The following ABCA12 variants were observed in gnomAD, a reference collection of about 807,000 sequenced individuals.
ABCA12 encodes the protein ATP binding cassette subfamily A member 12.
Under a neutral mutation model 293.5 loss-of-function variants are expected in ABCA12, and 156 were observed. The observed-to-expected ratio is 0.53, with a 90% confidence interval of 0.47 to 0.61. The LOEUF (loss-of-function observed/expected upper bound fraction) is 0.61. Among genes scored for constraint, ABCA12 ranks in the 20% least tolerant of loss-of-function variants. The probability of loss-of-function intolerance (pLI) is 0.00; values close to 1 mark genes in which losing one functional copy is unlikely to be tolerated. For synonymous variants in ABCA12, 1,063 were observed against 1,108.0 expected, an observed-to-expected ratio of 0.96 and a Z score of 0.81; for missense variants, 2,797 against 3,090.2, an observed-to-expected ratio of 0.91 and a Z score of 2.25.
At chr2:215,051,918 A>C (rs1701328370) in intron 5 of ABCA12, among the ~76,000 whole-genome samples, 1 of 152,104 alleles carries the variant, frequency 6.6e-6, no homozygotes, top group Non-Finnish European at 1.5e-5. Flanking sequence ...CCGTACACAC[A>C]CTCACACACA....
In ABCA12 at chr2:215,134,702, C is replaced by A. The variant is rs548732432; in HGVS notation, c.69+3438G>T. On this transcript the variant is annotated intron_variant, in intron 1 of 52. Coordinates refer to ENST00000272895, the MANE Select transcript of ABCA12 (RefSeq NM_173076.3). Reference sequence around the variant, plus strand: ...AAACTTTTTTGTCCAGGCTGGAGTACAGGGGTTCAATCTAGGCTCACTGTA... The same window carrying A: ...AAACTTTTTTGTCCAGGCTGGAGTAAAGGGGTTCAATCTAGGCTCACTGTA... 6.9e-5 allele frequency among the ~76,000 whole-genome samples: 10 copies of A among 144,100 alleles called. No individual in the cohort carries two copies. In the East Asian group the frequency reaches 2.1e-3, roughly 30 times the overall value. The allele number at this position is 144,100 out of a possible 152,430, so 94.5% of individuals were successfully genotyped here. A position where few individuals can be genotyped will look rare whatever the true frequency, so the allele number is the denominator to read the frequency against.
In ABCA12 at chr2:215,011,620, T is replaced by C; in HGVS notation, c.2151A>G (p.Thr717=). ...QAMYRSNRMN[T]PQGSFSTISQ... ...AGATGGTGCTAAATGATCCTTGTGG[T>C]GTGTTCATTCGGTTGCTTCTGTACA... The change falls in exon 17 of 53, where the codon ACA becomes ACG. Residue 717 remains threonine (T), a synonymous_variant. Transcript: ENST00000272895. 2 of 1,614,088 alleles carry C rather than the reference T, an allele frequency of 1.2e-6. No individual in the cohort carries two copies. The highest frequency in any genetic ancestry group is 1.3e-5 in the African/African-American group (1 of 75,044).
intron 49 of ABCA12, among the ~76,000 whole-genome samples, chr2:214,943,528 T>G (rs1455050582): frequency 6.6e-6 from 1 of 152,152 alleles, no homozygotes; most frequent in Non-Finnish European, 1.5e-5. Context: ...TTAAATGTCT[T>G]CAGATAGGGT....
chr2:214,976,195 C>T (rs1001813957), intron 33 of ABCA12, among the ~76,000 whole-genome samples, 158 bp from the exon 34 acceptor site: 17 of 152,148 alleles, frequency 1.1e-4, no homozygotes, highest in African/African-American at 4.1e-4. Flanking sequence ...CAGCCTTAGC[C>T]TTGGACCTTC....
At chr2:215,099,182 T>C (rs1324735735) in intron 2 of ABCA12, among the ~76,000 whole-genome samples, 4 of 152,340 alleles carry the variant, frequency 2.6e-5, no homozygotes, top group African/African-American at 7.2e-5. Flanking sequence ...AGCCACTCTG[T>C]CTTGAGGACA....
chr2:215,118,655 C>T (rs1702737445), intron 1 of ABCA12, among the ~76,000 whole-genome samples: 1 of 151,918 alleles, frequency 6.6e-6, no homozygotes, highest in South Asian at 2.1e-4. Flanking sequence ...AATTGTTGAG[C>T]ACCTACTATG....
intron 47 of ABCA12, chr2:214,948,071 T>C (rs2105923989): frequency 5.5e-6 from 1 of 180,542 alleles, no homozygotes; most frequent in Non-Finnish European, 1.2e-5. Flanking sequence ...AATAATGAAA[T>C]CCTAGTTGAA....
intron 18 of ABCA12, among the ~76,000 whole-genome samples, chr2:215,009,341 A>G (rs571330374): frequency 3.4e-4 from 52 of 152,286 alleles, no homozygotes; most frequent in African/African-American, 1.2e-3. Context: ...GGATCAGGAA[A>G]AATAACTAAT....
chr2:215,106,009 A>G (rs1309624958), intron 2 of ABCA12, among the ~76,000 whole-genome samples: 1 of 152,190 alleles, frequency 6.6e-6, no homozygotes, highest in East Asian at 1.9e-4. Context: ...AGTTTTCATC[A>G]TTAGATCATG....
At position 214,987,690 on chromosome 2, in the gene ABCA12, G is replaced by A. The variant is rs140847485; in HGVS notation, c.3933C>T (p.Leu1311=). The change falls in exon 27 of 53, where the codon CTC becomes CTT. Residue 1311 remains leucine (L), a synonymous_variant. Coordinates refer to ENST00000272895, the MANE Select transcript of ABCA12 (RefSeq NM_173076.3). ...AEVKPEKSNG[L]MFTNIMMQNT... is the part of the protein sequence containing the mutation. ...TCTGCATCATGATGTTAGTAAACAT[G>A]AGGCCATTGCTCTTCTCAGGCTTCA... 141 of 1,613,960 alleles carry A rather than the reference G, an allele frequency of 8.7e-5. No homozygotes were observed. The highest frequency in any genetic ancestry group is 1.2e-4 in the Non-Finnish European group (138 of 1,179,988).
At position 214,968,748 on chromosome 2, in the gene ABCA12, C is replaced by T; in HGVS notation, c.5750G>A (p.Gly1917Glu). 6.2e-7 allele frequency: 1 copy of T among 1,613,320 alleles called. No individual in the cohort carries two copies. Among genetic ancestry groups the T allele is most frequent in the South Asian group, 1.1e-5 (1 of 91,074 alleles). ...GGCAAGTGTTCTATTGGCAGGGACT[C>T]CTGTTATATCAAAACGAAGGTCTTT... ...LTKDLRFDIT[G>E]VPANRTLAKV... Residue 1917 changes from glycine (G) to glutamate (E), a missense_variant, in exon 38 of 53, where the codon GGA becomes GAA. Around this residue, in one of 3 missense-constraint regions of ABCA12, gnomAD observed 2,130 missense variants for 2,427.0 expected, o/e 0.88. Coordinates refer to ENST00000272895, the MANE Select transcript of ABCA12 (RefSeq NM_173076.3).
At chr2:214,995,922 T>C (rs935185033) in intron 23 of ABCA12, among the ~76,000 whole-genome samples, 6 of 152,092 alleles carry the variant, frequency 3.9e-5, no homozygotes, top group African/African-American at 1.4e-4. Context: ...AGAGCTACAT[T>C]CTGGAAATAA....
chr2:215,023,131 A>G (rs1234736426), intron 11 of ABCA12: 2 of 152,234 alleles, frequency 1.3e-5, no homozygotes, highest in African/African-American at 2.4e-5. Context: ...GATGGTCACA[A>G]GCATGATACT....
In ABCA12 at chr2:215,007,785, T is replaced by C. The variant is rs1464994375; in HGVS notation, c.2534A>G (p.Lys845Arg). ...GAAGGAATTCATGAAAAGTGGCGACTTATCCATCCACTCTTGAGATTTTTC... is the reference window on the plus strand; with the variant it reads ...GAAGGAATTCATGAAAAGTGGCGACCTATCCATCCACTCTTGAGATTTTTC... ...LREKSQEWMD[K>R]SPLFMNSFHL... Residue 845 changes from lysine to arginine, a missense_variant, in exon 19 of 53, where the codon AAG (lysine) becomes AGG (arginine). Around this residue, in one of 3 missense-constraint regions of ABCA12, gnomAD observed 2,130 missense variants for 2,427.0 expected, o/e 0.88. Coordinates refer to ENST00000272895, the MANE Select transcript of ABCA12 (RefSeq NM_173076.3). The C allele has an allele frequency of 6.2e-7, 1 of 1,614,058 alleles. No individual in the cohort carries two copies. Among genetic ancestry groups the C allele is most frequent in the Non-Finnish European group, 8.5e-7 (1 of 1,179,942 alleles).
At chr2:215,077,302 G>A (rs1190692647) in intron 2 of ABCA12, among the ~76,000 whole-genome samples, 3 of 152,154 alleles carry the variant, frequency 2.0e-5, no homozygotes, top group African/African-American at 7.2e-5. Flanking sequence ...CTAGGTTTTA[G>A]TTACAAAGTA....
intron 11 of ABCA12, chr2:215,022,303 G>A (rs1372850880): frequency 6.6e-6 from 1 of 152,096 alleles, no homozygotes; most frequent in East Asian, 1.9e-4. Context: ...TTATAGAAGA[G>A]GACATTGGAA....
chr2:215,084,479 T>C (rs933121278), intron 2 of ABCA12, among the ~76,000 whole-genome samples: 17 of 152,188 alleles, frequency 1.1e-4, no homozygotes, highest in African/African-American at 3.9e-4. Context: ...AATCCAAAGA[T>C]ATAAAACTGG....
At chr2:215,078,908 A>G (rs1205954829) in intron 2 of ABCA12, among the ~76,000 whole-genome samples, 1 of 152,190 alleles carries the variant, frequency 6.6e-6, no homozygotes, top group Non-Finnish European at 1.5e-5. Context: ...CTAAGGCAAC[A>G]ATAAAATTAA....
At chr2:215,081,495 A>AAAAAAAAG (rs1553541627) in intron 2 of ABCA12, among the ~76,000 whole-genome samples, 3 of 127,500 alleles carry the variant, frequency 2.4e-5, no homozygotes, top group South Asian at 2.4e-4. Flanking sequence ...AAAAAAAAGA[A>AAAAAAAAG]AAAGAAAAAA....
Sources: gnomAD v4.1 joint callset for allele counts (sites outside exome capture counted in the v4.1 genomes callset) on GRCh38, gnomAD v4.1.1 for gene constraint, gnomAD v4.1.1 regional missense constraint, MANE v1.5 for transcripts, NCBI Gene and HGNC (gene_info 2026-07-23, HGNC 2026-07-21) for gene names.